PIWIL3: variants seen among roughly 807,000 people sequenced by gnomAD.
PIWIL3 encodes the protein piwi like RNA-mediated gene silencing 3, also known as piwi-like protein 3.
In PIWIL3, 101 loss-of-function variants were observed where a neutral mutation model predicts 109.7. That is an observed-to-expected ratio of 0.92 (90% confidence interval 0.78 to 1.09). The LOEUF is 1.09. Ranked by LOEUF, PIWIL3 falls within the 50% of genes least tolerant of loss-of-function variation. The probability of loss-of-function intolerance (pLI) is 0.00; values close to 1 mark genes in which losing one functional copy is unlikely to be tolerated. For missense variants in PIWIL3, 1,031 were observed against 1,072.6 expected (o/e 0.96, Z 0.54); for synonymous variants, 373 against 376.4 (o/e 0.99, Z 0.10).
At chr22:24,773,623 G>T (rs559115480) in intron 1 of PIWIL3, among the ~76,000 whole-genome samples, 1 of 151,746 alleles carries the variant, frequency 6.6e-6, no homozygotes, top group East Asian at 1.9e-4. Flanking sequence ...GATGTAAGTA[G>T]GTACACATAT....
At chr22:24,760,803 A>AAAAAAAAAAT (rs1925389502) in intron 2 of PIWIL3, among the ~76,000 whole-genome samples, 1 of 146,870 alleles carries the variant, frequency 6.8e-6, no homozygotes, top group South Asian at 2.3e-4. Context: ...AAAAAAAAAA[A>AAAAAAAAAAT]GCTGTGACAG....
At chr22:24,740,218 C>CA (rs71189272) in intron 12 of PIWIL3, among the ~76,000 whole-genome samples, 972 of 63,872 alleles carry the variant, frequency 0.015, 73 homozygotes, top group African/African-American at 0.048. Context: ...GAGACTGTCT[C>CA]AAAAAAAAAA....
chr22:24,770,969 T>C (rs560383121), intron 1 of PIWIL3, among the ~76,000 whole-genome samples: 1 of 152,180 alleles, frequency 6.6e-6, no homozygotes, highest in South Asian at 2.1e-4. Flanking sequence ...CCAGACATGA[T>C]GGCACCCACC....
chr22:24,768,156 T>A (rs1052367328), intron 1 of PIWIL3, among the ~76,000 whole-genome samples: 1 of 152,216 alleles, frequency 6.6e-6, no homozygotes, highest in African/African-American at 2.4e-5. Flanking sequence ...GAGCTGACAT[T>A]TGCCACTGTT....
In PIWIL3 at chr22:24,749,400, T is replaced by G. The variant is rs756782009; in HGVS notation, c.1334+4A>C. On this transcript the variant is annotated splice_donor_region_variant and intron_variant, in intron 11 of 20. Transcript: ENST00000616349. ...ACACACTCAGCCAGAAAAGCAGCAC[T>G]TACTCTTGTAGAGTATTGATGAATT... 1 of 1,613,716 alleles carries G rather than the reference T, an allele frequency of 6.2e-7. No individual in the cohort carries two copies. The highest frequency in any genetic ancestry group is 1.1e-5 in the South Asian group (1 of 91,072).
chr22:24,751,156 A>G (rs1924687735), intron 9 of PIWIL3, among the ~76,000 whole-genome samples: 3 of 152,050 alleles, frequency 2.0e-5, no homozygotes, highest in African/African-American at 7.2e-5. Flanking sequence ...AGCCACTTTT[A>G]AGACTGAAAG....
chr22:24,752,446 A>C (rs1924766737), intron 8 of PIWIL3, among the ~76,000 whole-genome samples: 1 of 152,116 alleles, frequency 6.6e-6, no homozygotes, highest in African/African-American at 2.4e-5. Flanking sequence ...TTCGCAGGCT[A>C]TGTAAATGGC....
At chr22:24,734,222 C>A in intron 13 of PIWIL3, 66 bp from the exon 14 acceptor site, 1 of 1,566,668 alleles carries the variant, frequency 6.4e-7, no homozygotes. Flanking sequence ...TTTCACCCAG[C>A]AAATTAAATA....
intron 1 of PIWIL3, among the ~76,000 whole-genome samples, chr22:24,772,678 T>A (rs1442782194): frequency 6.6e-6 from 1 of 151,810 alleles, no homozygotes; most frequent in African/African-American, 2.4e-5. Context: ...AGCTCCCCTG[T>A]CTTTCCCAAA....
intron 12 of PIWIL3, 90 bp downstream of exon 12, chr22:24,748,817 C>A: frequency 2.1e-6 from 2 of 948,722 alleles, no homozygotes; most frequent in South Asian, 1.6e-5. Context: ...GAACAGCAGT[C>A]GTAGTCATTA....
intron 19 of PIWIL3, among the ~76,000 whole-genome samples, chr22:24,721,575 C>T (rs1922676645): frequency 3.9e-5 from 6 of 152,140 alleles, no homozygotes; most frequent in Admixed American, 3.9e-4. Context: ...TATGGCTCCC[C>T]ACTGCATTAT....
Position 24,719,448 on chromosome 22 carries a change from GCA to G in PIWIL3, c.*22_*23del. The G allele has an allele frequency of 6.7e-7, 1 of 1,496,730 alleles. No individual in the cohort carries two copies. Among genetic ancestry groups the G allele is most frequent in the Middle Eastern group, 1.8e-4 (1 of 5,646 alleles). The allele number at this position is 1,496,730 out of a possible 1,614,324, so 92.7% of individuals were successfully genotyped here. A position where few individuals can be genotyped will look rare whatever the true frequency, so the allele number is the denominator to read the frequency against. On this transcript the variant is annotated 3_prime_UTR_variant, in exon 21 of 21. Transcript: ENST00000616349. ...AGGCTTACACGTTGTGGTTTCATTA[GCA>G]CATCAGGTCTTCTTCTGCAGGTCAA...
chr22:24,744,173 C>CGAAT (rs140300080), intron 12 of PIWIL3, among the ~76,000 whole-genome samples: 5,834 of 22,282 alleles, frequency 0.26, 1,466 homozygotes, highest in East Asian at 0.39. Context: ...AAAGAGTGAC[C>CGAAT]GAATTAAAAA....
chr22:24,734,135 A>G lies in PIWIL3; in HGVS notation c.1656T>C (p.Ala552=), dbSNP rs747541788. Residue 552 remains alanine (A), a synonymous_variant, in exon 14 of 21, where the codon GCT becomes GCC. Transcript: ENST00000616349. ...TCCGTAATGTGTCTATATAGGAGTT[A>G]GCATCACCATCTACTTCAATCCTAA... ...PAEMIEVDGD[A]NSYIDTLRKY... is the part of the protein sequence containing the mutation. 6 of 1,612,630 alleles carry G rather than the reference A, an allele frequency of 3.7e-6. No homozygotes were observed. The South Asian group carries it at 6.6e-5, about 18-fold the overall frequency.
At chr22:24,757,456 CAGA>C (rs1279610465) in intron 4 of PIWIL3, among the ~76,000 whole-genome samples, 1 of 152,030 alleles carries the variant, frequency 6.6e-6, no homozygotes, top group Admixed American at 6.6e-5. Context: ...ACAGTGATGA[CAGA>C]AGCTTTCCAG....
rs555191648 is a variant in PIWIL3, at chr22:24,761,124, G to A, written c.103-1135C>T. On this transcript the variant is annotated intron_variant, in intron 2 of 20. Coordinates refer to ENST00000616349, the MANE Select transcript of PIWIL3 (RefSeq NM_001255975.1). Reference sequence around the variant, plus strand: ...CAGGTTGGGAGTGTGAGTTGTCCACGGACACCCGTGGGGGTGTTAGGTGGT... The same window carrying A: ...CAGGTTGGGAGTGTGAGTTGTCCACAGACACCCGTGGGGGTGTTAGGTGGT... 2.6e-4 allele frequency among the ~76,000 whole-genome samples: 40 copies of A among 152,126 alleles called. No homozygotes were observed. In the South Asian group the frequency reaches 8.1e-3, roughly 31 times the overall value.
At chr22:24,741,115 C>T (rs1923978470) in intron 12 of PIWIL3, among the ~76,000 whole-genome samples, 1 of 152,130 alleles carries the variant, frequency 6.6e-6, no homozygotes, top group African/African-American at 2.4e-5. Context: ...ATATGCAAGT[C>T]AATAAACGTG....
chr22:24,760,609 G>A (rs942894305), intron 2 of PIWIL3, among the ~76,000 whole-genome samples: 9 of 151,566 alleles, frequency 5.9e-5, no homozygotes, highest in Admixed American at 3.3e-4. Flanking sequence ...AGAAACCCCC[G>A]TCTCTACTAA....
chr22:24,738,074 C>T (rs1923769478), intron 12 of PIWIL3, among the ~76,000 whole-genome samples: 1 of 152,120 alleles, frequency 6.6e-6, no homozygotes, highest in Non-Finnish European at 1.5e-5. Context: ...TCGCTTGAAC[C>T]CAGTAAGTGG....
Sources: gnomAD v4.1 joint callset for allele counts (sites outside exome capture counted in the v4.1 genomes callset) on GRCh38, gnomAD v4.1.1 for gene constraint, MANE v1.5 for transcripts, NCBI Gene and HGNC (gene_info 2026-07-23, HGNC 2026-07-21) for gene names.